Variants in KHDC1 observed in about 807,000 individuals in gnomAD.
KHDC1 encodes KH domain containing 1.
A neutral mutation model predicts 24.7 loss-of-function variants in KHDC1; 21 were observed. That is an observed-to-expected ratio of 0.85 (90% CI 0.60 to 1.23). The LOEUF is 1.23. Among genes scored for constraint, KHDC1 ranks in the 50% most tolerant of loss-of-function variants. The probability of loss-of-function intolerance (pLI) is 0.00; values close to 1 mark genes in which losing one functional copy is unlikely to be tolerated. For synonymous variants in KHDC1, 98 were observed against 111.7 expected (o/e 0.88, Z 0.77); for missense variants, 274 against 298.5 (o/e 0.92, Z 0.61).
intron 2 of KHDC1, among the ~76,000 whole-genome samples, chr6:73,283,548 G>A (rs907674680): frequency 1.3e-5 from 2 of 151,674 alleles, no homozygotes; most frequent in African/African-American, 2.4e-5. Context: ...GGGATTACAA[G>A]TGTAAGCACC....
Position 73,308,426 on chromosome 6 carries a change from G to C in KHDC1, c.163+1126C>G, listed in dbSNP as rs147614653. On this transcript the variant is annotated intron_variant, in intron 1 of 4. Coordinates refer to ENST00000370384, the Ensembl canonical transcript of KHDC1. ...GGGTTTCACTATGTTGACCAGGCTGGTCTTGAGCTCCTGACCTCGGGTGAT... is the reference window on the plus strand; with the variant it reads ...GGGTTTCACTATGTTGACCAGGCTGCTCTTGAGCTCCTGACCTCGGGTGAT... Among the ~76,000 whole-genome samples the C allele has an allele frequency of 3.4e-3, 508 of 151,432 alleles. 12 individuals are homozygous for C. Among genetic ancestry groups the C allele is most frequent in the Admixed American group, 0.028 (425 of 15,220 alleles).
intron 2 of KHDC1, among the ~76,000 whole-genome samples, chr6:73,291,626 G>A (rs1767652148): frequency 6.6e-6 from 1 of 152,072 alleles, no homozygotes. Flanking sequence ...CGTGCCTGGT[G>A]TACCCAGTTT....
chr6:73,296,550 T>C (rs758517493), intron 1 of KHDC1, among the ~76,000 whole-genome samples: 4 of 152,202 alleles, frequency 2.6e-5, no homozygotes, highest in Non-Finnish European at 4.4e-5. Context: ...CTAGAATGGT[T>C]ATCACATTAT....
chr6:73,305,848 C>T (rs1397176637), intron 1 of KHDC1, among the ~76,000 whole-genome samples: 4 of 152,076 alleles, frequency 2.6e-5, no homozygotes, highest in South Asian at 2.1e-4. Flanking sequence ...TTAGTAGAGA[C>T]GGGGTTCACC....
rs545448889 is a variant in KHDC1, at chr6:73,279,363, G to A, written c.206+12635C>T. ...GTGGAGGCTGCAGTGAGCCAAGATC[G>A]CGCTCCAGCCTAGGTGACAGACCGA... On this transcript the variant is annotated intron_variant, in intron 2 of 4. Coordinates refer to ENST00000370384, the Ensembl canonical transcript of KHDC1. Among the ~76,000 whole-genome samples, 271 of 152,122 alleles carry A rather than the reference G, an allele frequency of 1.8e-3. 5 individuals carry two copies. Among genetic ancestry groups the A allele is most frequent in the Non-Finnish European group, 3.8e-4 (26 of 67,996 alleles).
intron 2 of KHDC1, among the ~76,000 whole-genome samples, chr6:73,247,873 A>AG (rs1462247970): frequency 9.9e-5 from 15 of 151,374 alleles, no homozygotes; most frequent in South Asian, 4.2e-4. Context: ...AAAAAAAAAA[A>AG]AGAGAGAGAG....
intron 1 of KHDC1, among the ~76,000 whole-genome samples, chr6:73,296,703 G>A (rs992555858): frequency 6.6e-6 from 1 of 152,108 alleles, no homozygotes; most frequent in Admixed American, 6.6e-5. Context: ...AATCTCATCA[G>A]ATCCCAAGAG....
chr6:73,286,715 C>G (rs1197108712), intron 2 of KHDC1, among the ~76,000 whole-genome samples: 1 of 152,094 alleles, frequency 6.6e-6, no homozygotes, highest in Non-Finnish European at 1.5e-5. Context: ...AACCCTGTCT[C>G]TACTAAAAAT....
intron 2 of KHDC1, among the ~76,000 whole-genome samples, chr6:73,246,692 AT>A (rs1430664535): frequency 1.3e-5 from 2 of 152,210 alleles, no homozygotes; most frequent in South Asian, 2.1e-4. Context: ...AGTACACATC[AT>A]TTTATTACAA....
At chr6:73,294,826 G>A (rs1767730137) in intron 1 of KHDC1, among the ~76,000 whole-genome samples, 1 of 152,078 alleles carries the variant, frequency 6.6e-6, no homozygotes, top group African/African-American at 2.4e-5. Context: ...CATCCACTTG[G>A]TGCTGTTCTC....
chr6:73,286,757 C>A (rs1415958007), intron 2 of KHDC1, among the ~76,000 whole-genome samples: 1 of 152,072 alleles, frequency 6.6e-6, no homozygotes, highest in Non-Finnish European at 1.5e-5. Flanking sequence ...GTAGCTTGCA[C>A]CTGTAATCTC....
At chr6:73,262,981 C>T in intron 2 of KHDC1, 1 of 1,000,378 alleles carries the variant, frequency 1.0e-6, no homozygotes, top group Non-Finnish European at 1.2e-6. Flanking sequence ...TGGGCTTTGA[C>T]GGTAGGAATG....
chr6:73,276,872 A>C (rs1243740039), intron 2 of KHDC1, among the ~76,000 whole-genome samples: 1 of 152,228 alleles, frequency 6.6e-6, no homozygotes, highest in Non-Finnish European at 1.5e-5. Context: ...GTTATAATAA[A>C]AAATAAATGT....
chr6:73,241,566 C>A (rs955895713), exon 5 of KHDC1: 2 of 1,614,028 alleles, frequency 1.2e-6, no homozygotes, highest in Non-Finnish European at 1.7e-6. Flanking sequence ...ACCCGAACAA[C>A]CAATCACTTG....
intron 2 of KHDC1, among the ~76,000 whole-genome samples, chr6:73,289,823 G>T (rs1275894147): frequency 1.3e-5 from 2 of 151,882 alleles, no homozygotes; most frequent in Non-Finnish European, 2.9e-5. Flanking sequence ...CCAGGCGGCC[G>T]GGCGCGGTGG....
chr6:73,241,964 C>A, intron 4 of KHDC1, 91 bp downstream of exon 3: 1 of 1,387,458 alleles, frequency 7.2e-7, no homozygotes. Flanking sequence ...CCCAGCCACA[C>A]AAGGGATTCT....
chr6:73,248,213 T>C (rs1766705479), intron 2 of KHDC1, among the ~76,000 whole-genome samples: 4 of 152,198 alleles, frequency 2.6e-5, no homozygotes. Context: ...TGGACTATTG[T>C]GAGAAATATG....
intron 1 of KHDC1, chr6:73,292,177 G>A (rs1450343305): frequency 6.6e-7 from 1 of 1,519,456 alleles, no homozygotes; most frequent in Non-Finnish European, 9.1e-7. Flanking sequence ...CTTTGAAAGA[G>A]AATAGAACCA....
At chr6:73,241,805 G>T in intron 4 of KHDC1, 77 bp from the exon 4 acceptor site, 1 of 1,497,676 alleles carries the variant, frequency 6.7e-7, no homozygotes. Flanking sequence ...CTCCATCAGG[G>T]AGGCTGCAGG....
Sources: gnomAD v4.1 joint callset for allele counts (sites outside exome capture counted in the v4.1 genomes callset) on GRCh38, gnomAD v4.1.1 for gene constraint, MANE v1.5 for transcripts, NCBI Gene and HGNC (gene_info 2026-07-23, HGNC 2026-07-21) for gene names.